The following DEPDC1B variants were observed in gnomAD, a reference collection of about 807,000 sequenced individuals.
The protein encoded by DEPDC1B is DEP domain containing 1B, also known as DEP domain-containing protein 1B.
A neutral mutation model predicts 66.5 loss-of-function variants in DEPDC1B; 51 were observed. That is an observed-to-expected ratio of 0.77 (90% confidence interval 0.61 to 0.97). The LOEUF is 0.97. Among genes scored for constraint, DEPDC1B ranks in the 50% least tolerant of loss-of-function variants. DEPDC1B has a pLI of 0.00. For synonymous variants in DEPDC1B, 226 were observed against 223.6 expected, an observed-to-expected ratio of 1.01 and a Z score of -0.10; for missense variants, 552 against 637.1, an observed-to-expected ratio of 0.87 and a Z score of 1.44.
At position 60,667,938 on chromosome 5, in the gene DEPDC1B, T is replaced by A. The variant is rs368997571; in HGVS notation, c.314+19024A>T. 3.5e-3 allele frequency among the ~76,000 whole-genome samples: 128 copies of A among 36,192 alleles called. 22 individuals carry two copies. The highest frequency in any genetic ancestry group is 5.2e-3 in the African/African-American group (60 of 11,632). 23.7% of individuals were successfully genotyped at this position (36,192 alleles called of 152,430 possible). A position where few individuals can be genotyped will look rare whatever the true frequency, so the allele number is the denominator to read the frequency against. On this transcript the variant is annotated intron_variant, in intron 2 of 10. Coordinates refer to ENST00000265036, the MANE Select transcript of DEPDC1B (RefSeq NM_018369.3). ...AAAAAATGGATATTTTATATATATA[T>A]AAAATGGATATTTTATATATATAAT...
chr5:60,668,837 G>A (rs147443762), intron 2 of DEPDC1B, among the ~76,000 whole-genome samples: 394 of 152,276 alleles, frequency 2.6e-3, no homozygotes, highest in Middle Eastern at 6.8e-3. Flanking sequence ...ATTCTTTTAT[G>A]AAGGATGTCT....
At chr5:60,636,862 C>T (rs1307138346) in intron 7 of DEPDC1B, among the ~76,000 whole-genome samples, 1 of 152,092 alleles carries the variant, frequency 6.6e-6, no homozygotes, top group East Asian at 1.9e-4. Flanking sequence ...CATCCTTTTC[C>T]ACCCTGAAGC....
At position 60,666,243 on chromosome 5, in the gene DEPDC1B, G is replaced by A. The variant is rs988854317; in HGVS notation, c.315-18710C>T. 3.9e-5 allele frequency among the ~76,000 whole-genome samples: 6 copies of A among 152,166 alleles called. No homozygotes were observed. In the South Asian group the frequency reaches 8.3e-4, roughly 21 times the overall value. ...CTGCATGGCTAAGGGCCCAGGGTTC[G>A]TCTAATCGAGCTGAACACTAGTTGC... On this transcript the variant is annotated intron_variant, in intron 2 of 10. Coordinates refer to ENST00000265036, the MANE Select transcript of DEPDC1B (RefSeq NM_018369.3).
rs558220407 is a variant in DEPDC1B at position 60,652,534 on chromosome 5, C to T, written c.315-5001G>A. ...TTACTAAGGAAGGGACATACTGAGG[C>T]TTGTCCAACCCCCTATCCCATCATG... On this transcript the variant is annotated intron_variant, in intron 2 of 10. Transcript: ENST00000265036. 3.2e-4 allele frequency among the ~76,000 whole-genome samples: 48 copies of T among 149,202 alleles called. 6 individuals carry two copies. Among genetic ancestry groups the T allele is most frequent in the African/African-American group, 1.1e-3 (43 of 39,680 alleles).
At chr5:60,617,506 G>C (rs1752588198) in intron 7 of DEPDC1B, among the ~76,000 whole-genome samples, 1 of 152,040 alleles carries the variant, frequency 6.6e-6, no homozygotes, top group South Asian at 2.1e-4. Context: ...TGATAAAACA[G>C]ACTTTAAACC....
intron 7 of DEPDC1B, among the ~76,000 whole-genome samples, chr5:60,626,289 T>C (rs1417325247): frequency 6.6e-6 from 1 of 152,216 alleles, no homozygotes; most frequent in East Asian, 1.9e-4. Flanking sequence ...TATTTCATTG[T>C]ACGGATATAC....
At chr5:60,633,542 A>T in intron 7 of DEPDC1B, among the ~76,000 whole-genome samples, 1 of 152,162 alleles carries the variant, frequency 6.6e-6, no homozygotes, top group South Asian at 2.1e-4. Context: ...GGCCTGCTGG[A>T]GGGAGACATG....
At chr5:60,698,474 C>CA (rs1172980404) in intron 1 of DEPDC1B, among the ~76,000 whole-genome samples, 1 of 152,166 alleles carries the variant, frequency 6.6e-6, no homozygotes, top group African/African-American at 2.4e-5. Context: ...AGGTAACAGC[C>CA]AGGACCAAGT....
At chr5:60,665,273 A>G (rs186474974) in intron 2 of DEPDC1B, among the ~76,000 whole-genome samples, 13 of 152,338 alleles carry the variant, frequency 8.5e-5, no homozygotes, top group Admixed American at 5.9e-4. Flanking sequence ...TCACTTAGGC[A>G]TTAATAGCAC....
intron 7 of DEPDC1B, among the ~76,000 whole-genome samples, chr5:60,624,124 T>C (rs1246596867): frequency 6.6e-6 from 1 of 152,196 alleles, no homozygotes; most frequent in Non-Finnish European, 1.5e-5. Context: ...ATGTTATCCA[T>C]AATTTTCTCA....
chr5:60,668,733 T>A (rs190936489), intron 2 of DEPDC1B, among the ~76,000 whole-genome samples: 109 of 152,214 alleles, frequency 7.2e-4, no homozygotes, highest in African/African-American at 2.4e-3. Flanking sequence ...AAATTCAAGA[T>A]AACATCATGA....
rs1197638885 is a variant in DEPDC1B at position 60,677,522 on chromosome 5, A to AT, written c.314+9439dup. Among the ~76,000 whole-genome samples the AT allele has an allele frequency of 2.0e-5, 3 of 151,808 alleles. No homozygotes were observed. The South Asian group carries it at 6.2e-4, about 32-fold the overall frequency. ...TCTTAAAGATCTAGTCCTCCCTGTCATTTTTTTCTTTTTTATTTTTTCTTT... is the reference window on the plus strand; with the variant it reads ...TCTTAAAGATCTAGTCCTCCCTGTCATTTTTTTTCTTTTTTATTTTTTCTTT... On this transcript the variant is annotated intron_variant, in intron 2 of 10. Transcript: ENST00000265036.
Position 60,605,845 on chromosome 5 carries a change from T to C in DEPDC1B, c.910A>G (p.Lys304Glu). 2 of 1,611,034 alleles carry C rather than the reference T, an allele frequency of 1.2e-6. No homozygotes were observed. Among genetic ancestry groups the C allele is most frequent in the Non-Finnish European group, 1.7e-6 (2 of 1,179,042 alleles). ...AATGCTTCAACTGCCACTTTCTCCT[T>C]CTGTAACAAACCTGATTTAGAAAAA... ...AFVSVLGLLQ[K>E]EKVAVEAFQI... The change falls in exon 8 of 11, where the codon AAG becomes GAG. Residue 304 changes from lysine (K) to glutamate (E), a missense_variant. Transcript: ENST00000265036.
chr5:60,638,905 A>G lies in DEPDC1B; in HGVS notation c.758-15T>C, dbSNP rs551278399. 3.2e-5 allele frequency: 52 copies of G among 1,606,622 alleles called. No homozygotes were observed. Among genetic ancestry groups the G allele is most frequent in the Non-Finnish European group, 4.1e-5 (48 of 1,178,016 alleles). On this transcript the variant is annotated splice_polypyrimidine_tract_variant and intron_variant, in intron 6 of 10. Transcript: ENST00000265036. The stretch of plus-strand genomic sequence containing the variant: ...ACAGTTGGGCCCTATTTTCAAAAAG[A>G]GAGTGAAAGAGAAACATTAATGGAG...
At chr5:60,636,481 A>G (rs1753046675) in intron 7 of DEPDC1B, among the ~76,000 whole-genome samples, 3 of 152,328 alleles carry the variant, frequency 2.0e-5, no homozygotes, top group South Asian at 4.1e-4. Context: ...CGCAAAGTAG[A>G]CTTATTATTT....
At chr5:60,692,474 T>C (rs1754569220) in intron 1 of DEPDC1B, among the ~76,000 whole-genome samples, 1 of 152,122 alleles carries the variant, frequency 6.6e-6, no homozygotes, top group Admixed American at 6.5e-5. Flanking sequence ...CTTACAAAAC[T>C]AAAATTTTTT....
intron 7 of DEPDC1B, among the ~76,000 whole-genome samples, chr5:60,606,927 T>A (rs1445991484): frequency 6.6e-6 from 1 of 152,170 alleles, no homozygotes; most frequent in African/African-American, 2.4e-5. Context: ...AAGTTACCAC[T>A]AGTCTTTGGA....
At chr5:60,698,516 C>A (rs952391612) in intron 1 of DEPDC1B, among the ~76,000 whole-genome samples, 3 of 152,206 alleles carry the variant, frequency 2.0e-5, no homozygotes, top group Non-Finnish European at 4.4e-5. Context: ...CCAGTAATAG[C>A]CAAGTCACAT....
rs761399945 is a variant in DEPDC1B at position 60,605,644 on chromosome 5, G to A, written c.1065+46C>T. On this transcript the variant is annotated intron_variant, in intron 8 of 10. Transcript: ENST00000265036. The stretch of plus-strand genomic sequence containing the variant: ...CCAAACTAATACACCTTACTCAGTC[G>A]ACTTTCATTCCAAAAAGTCATACCT... 3.8e-6 allele frequency: 6 copies of A among 1,590,016 alleles called. No individual in the cohort carries two copies. In the Admixed American group the frequency reaches 5.2e-5, roughly 14 times the overall value.
Sources: allele counts gnomAD v4.1 joint callset (sites outside exome capture counted in the v4.1 genomes callset), GRCh38; gene constraint gnomAD v4.1.1; transcripts MANE v1.5; gene names NCBI Gene and HGNC (gene_info 2026-07-23, HGNC 2026-07-21).